The following OSBPL10 variants were observed in gnomAD, a reference collection of about 807,000 sequenced individuals.
OSBPL10 encodes the protein oxysterol-binding protein-related protein 10.
In OSBPL10, 49 loss-of-function variants were observed where a neutral mutation model predicts 81.7. The ratio of observed to expected loss-of-function variants is 0.60; its 90% CI spans 0.48 to 0.76. The LOEUF is 0.76. OSBPL10 is among the 30% of genes least tolerant of loss of function. OSBPL10 has a pLI of 0.00. For synonymous variants in OSBPL10, 419 were observed against 383.6 expected, an observed-to-expected ratio of 1.09 and a Z score of -1.08; for missense variants, 923 against 987.8, an observed-to-expected ratio of 0.93 and a Z score of 0.88.
rs78741864 is a variant in OSBPL10, at chr3:31,831,800, T to C, written c.538-1569A>G. Among the ~76,000 whole-genome samples, 1,234 of 152,154 alleles carry C rather than the reference T, an allele frequency of 8.1e-3. 26 individuals carry two copies. The highest frequency in any genetic ancestry group is 0.027 in the African/African-American group (1,124 of 41,526). On this transcript the variant is annotated intron_variant, in intron 3 of 11. Transcript: ENST00000396556. ...GGAGGTAAAAAAGGTGGCAAAACCC[T>C]GAGAACAGCAATCAGCAGACCCATC...
chr3:32,066,861 C>A (rs1019664708), intron 1 of OSBPL10, among the ~76,000 whole-genome samples: 1 of 152,176 alleles, frequency 6.6e-6, no homozygotes, highest in Non-Finnish European at 1.5e-5. Context: ...TTGGCCCCAA[C>A]AAACCACACC....
chr3:31,770,901 A>G (rs1275888323), intron 4 of OSBPL10, among the ~76,000 whole-genome samples: 2 of 152,184 alleles, frequency 1.3e-5, no homozygotes, highest in African/African-American at 4.8e-5. Flanking sequence ...TGGTCGAGGG[A>G]GCACCCCATT....
intron 1 of OSBPL10, among the ~76,000 whole-genome samples, chr3:31,945,593 G>C (rs993340434): frequency 1.3e-5 from 2 of 152,096 alleles, no homozygotes; most frequent in Admixed American, 1.3e-4. Flanking sequence ...CTCAACATGG[G>C]GTCCATTCAC....
chr3:31,753,185 AT>A (rs34050690), intron 4 of OSBPL10, among the ~76,000 whole-genome samples: 29,343 of 140,912 alleles, frequency 0.21, 3,099 homozygotes, highest in African/African-American at 0.26. Flanking sequence ...TGCTTCAAGG[AT>A]TTTTTTTTTT....
intron 3 of OSBPL10, among the ~76,000 whole-genome samples, chr3:31,875,074 A>C (rs1701417559): frequency 7.4e-6 from 1 of 135,216 alleles, no homozygotes; most frequent in Non-Finnish European, 1.6e-5. Context: ...TCTCCAAAAT[A>C]TATTAAGTAA....
At chr3:31,842,211 A>G (rs1700516246) in intron 3 of OSBPL10, among the ~76,000 whole-genome samples, 1 of 152,232 alleles carries the variant, frequency 6.6e-6, no homozygotes, top group South Asian at 2.1e-4. Flanking sequence ...ATAATGGTGG[A>G]TGATTTCGCT....
intron 7 of OSBPL10, among the ~76,000 whole-genome samples, chr3:31,698,325 C>G (rs1181720060): frequency 1.3e-5 from 2 of 151,910 alleles, no homozygotes; most frequent in East Asian, 3.9e-4. Flanking sequence ...GTGACACGCA[C>G]CTGTGATCGC....
At position 31,930,535 on chromosome 3, in the gene OSBPL10, G is replaced by A. The variant is rs565705696; in HGVS notation, c.281+50364C>T. 3.9e-5 allele frequency among the ~76,000 whole-genome samples: 6 copies of A among 152,304 alleles called. No homozygotes were observed. The East Asian group carries it at 1.2e-3, about 29-fold the overall frequency. On this transcript the variant is annotated intron_variant, in intron 1 of 11. Transcript: ENST00000396556. The stretch of plus-strand genomic sequence containing the variant: ...ACAGGTATTGCAATGTAGATTGCTT[G>A]TAACAGCAAAAACTGGAACCTACCT...
At chr3:32,051,018 A>G (rs1001385223) in intron 1 of OSBPL10, among the ~76,000 whole-genome samples, 3 of 152,204 alleles carry the variant, frequency 2.0e-5, no homozygotes, top group African/African-American at 7.2e-5. Flanking sequence ...AAAAGTGGAT[A>G]TCCAAGCTAT....
chr3:31,984,348 G>T (rs1002568650), upstream of OSBPL10, among the ~76,000 whole-genome samples: 6 of 145,546 alleles, frequency 4.1e-5, no homozygotes, highest in African/African-American at 1.0e-4. Context: ...CCCACCTAAG[G>T]TTTTTTTTTT....
chr3:31,960,872 T>C (rs1188942238), intron 1 of OSBPL10, among the ~76,000 whole-genome samples: 1 of 152,096 alleles, frequency 6.6e-6, no homozygotes, highest in Non-Finnish European at 1.5e-5. Flanking sequence ...CTTTAATCCT[T>C]ATTCCTCCTT....
intron 4 of OSBPL10, among the ~76,000 whole-genome samples, chr3:31,792,477 G>C (rs904162360): frequency 5.9e-5 from 9 of 152,158 alleles, no homozygotes; most frequent in African/African-American, 1.4e-4. Context: ...CAATTAAAAG[G>C]CTCCTAGTTA....
intron 3 of OSBPL10, among the ~76,000 whole-genome samples, chr3:31,865,133 G>C (rs1011420412): frequency 2.0e-5 from 3 of 152,176 alleles, no homozygotes; most frequent in Admixed American, 2.0e-4. Context: ...TAGATTAAAA[G>C]AACTGTTCAT....
At chr3:31,990,129 T>A in intron 2 of OSBPL10, 1 of 1,611,518 alleles carries the variant, frequency 6.2e-7, no homozygotes, top group African/African-American at 1.3e-5. Context: ...GTGAAAAGGC[T>A]TTCAGGCGTG....
intron 1 of OSBPL10, among the ~76,000 whole-genome samples, chr3:31,933,413 T>C (rs566777725): frequency 1.4e-3 from 208 of 152,194 alleles, no homozygotes; most frequent in African/African-American, 4.9e-3. Context: ...TAAATTTTTT[T>C]TTTTTTTAGG....
At chr3:32,052,622 C>T (rs894683204) in intron 1 of OSBPL10, among the ~76,000 whole-genome samples, 17 of 152,098 alleles carry the variant, frequency 1.1e-4, no homozygotes, top group African/African-American at 4.1e-4. Context: ...ACCATGCAGC[C>T]ATAAAAAAGG....
chr3:31,678,137 G>A (rs1036476676), intron 8 of OSBPL10, among the ~76,000 whole-genome samples: 11 of 151,158 alleles, frequency 7.3e-5, no homozygotes, highest in Admixed American at 6.6e-4. Context: ...GTTAGTTCAG[G>A]GGACAGAGGG....
At chr3:31,843,966 G>C (rs1303065513) in intron 3 of OSBPL10, among the ~76,000 whole-genome samples, 1 of 152,282 alleles carries the variant, frequency 6.6e-6, no homozygotes, top group South Asian at 2.1e-4. Flanking sequence ...ATGAGGCAAG[G>C]GACAGGGATG....
At chr3:31,942,005 TG>T (rs1256294272) in intron 1 of OSBPL10, among the ~76,000 whole-genome samples, 1 of 152,320 alleles carries the variant, frequency 6.6e-6, no homozygotes, top group South Asian at 2.1e-4. Context: ...CAGGGCACGG[TG>T]GCTCACGCCT....
Sources: gnomAD v4.1 joint callset for allele counts (sites outside exome capture counted in the v4.1 genomes callset) on GRCh38, gnomAD v4.1.1 for gene constraint, MANE v1.5 for transcripts, NCBI Gene and HGNC (gene_info 2026-07-23, HGNC 2026-07-21) for gene names.